The following ARHGEF3 variants were observed in gnomAD, a reference collection of about 807,000 sequenced individuals.
ARHGEF3 encodes 59.8 kDA protein.
Under a neutral mutation model 63.2 loss-of-function variants are expected in ARHGEF3, and 28 were observed. The ratio of observed to expected loss-of-function variants is 0.44; its 90% confidence interval spans 0.33 to 0.61. ARHGEF3 has a LOEUF of 0.61. Among genes scored for constraint, ARHGEF3 ranks in the 20% least tolerant of loss-of-function variants. ARHGEF3 has a pLI of 0.03. For synonymous variants in ARHGEF3, 266 were observed against 254.2 expected, an observed-to-expected ratio of 1.05 and a Z score of -0.44; for missense variants, 533 against 659.3, an observed-to-expected ratio of 0.81 and a Z score of 2.10.
chr3:56,933,860 G>T (rs2042477705), intron 3 of ARHGEF3, among the ~76,000 whole-genome samples: 2 of 152,200 alleles, frequency 1.3e-5, no homozygotes, highest in South Asian at 4.1e-4. Flanking sequence ...GAAAGGGTCT[G>T]GTGGGAGGTG....
intron 2 of ARHGEF3, among the ~76,000 whole-genome samples, chr3:56,965,777 T>A (rs1700469795): frequency 6.6e-6 from 1 of 151,902 alleles, no homozygotes; most frequent in Admixed American, 6.6e-5. Flanking sequence ...GCCTCCTGAG[T>A]AGCTGGGACT....
chr3:57,018,029 A>C (rs1453987913), intron 2 of ARHGEF3, among the ~76,000 whole-genome samples: 1 of 152,236 alleles, frequency 6.6e-6, no homozygotes, highest in Non-Finnish European at 1.5e-5. Context: ...CTGTAATCCC[A>C]ACACTTTGGG....
At chr3:56,889,196 A>T (rs2041030877) in intron 3 of ARHGEF3, among the ~76,000 whole-genome samples, 1 of 152,148 alleles carries the variant, frequency 6.6e-6, no homozygotes, top group Admixed American at 6.5e-5. Context: ...ATCACAAGGC[A>T]GACATCTGAA....
intron 4 of ARHGEF3, among the ~76,000 whole-genome samples, chr3:56,824,989 A>G (rs1361333931): frequency 6.6e-6 from 1 of 152,218 alleles, no homozygotes. Flanking sequence ...AAGCCAGTTA[A>G]TTATGCAGCA....
chr3:56,728,176 A>G lies in ARHGEF3; in HGVS notation c.*1094T>C, dbSNP rs901127244. ...AATGAAATTGGCCTCTGGAGAACAT[A>G]ATTACAATTCTGATTATAGCACAGA... On this transcript the variant is annotated 3_prime_UTR_variant, in exon 10 of 10. Coordinates refer to ENST00000296315, the MANE Select transcript of ARHGEF3 (RefSeq NM_019555.3). 1 of 152,612 alleles carries G rather than the reference A, an allele frequency of 6.6e-6. No homozygotes were observed. The highest frequency in any genetic ancestry group is 1.5e-5 in the Non-Finnish European group (1 of 68,042). The allele number at this position is 152,612 out of a possible 1,614,324, so 9.5% of individuals were successfully genotyped here. A position where few individuals can be genotyped will look rare whatever the true frequency, so the allele number is the denominator to read the frequency against.
At chr3:56,930,284 G>C (rs750696477) in intron 3 of ARHGEF3, among the ~76,000 whole-genome samples, 1 of 152,034 alleles carries the variant, frequency 6.6e-6, no homozygotes, top group Admixed American at 6.5e-5. Flanking sequence ...AAACGAACCC[G>C]GTGGCTGTAA....
rs139470654 is a variant in ARHGEF3, at chr3:57,046,636, C to T, written c.-27-11460G>A. On this transcript the variant is annotated intron_variant, in intron 1 of 12. Transcript: ENST00000338458. ...TCACCCTCTCTGGAGGAACACAACT[C>T]GGTTCTCCTACAGTGCTAGAGCAGG... is the stretch of plus-strand genomic sequence containing the variant. Among the ~76,000 whole-genome samples the T allele has an allele frequency of 1.1e-3, 162 of 152,300 alleles. 1 individual carries two copies. Among genetic ancestry groups the T allele is most frequent in the African/African-American group, 3.5e-3 (146 of 41,554 alleles).
intron 2 of ARHGEF3, among the ~76,000 whole-genome samples, chr3:57,034,466 A>G (rs940086244): frequency 2.6e-5 from 4 of 152,056 alleles, no homozygotes; most frequent in African/African-American, 9.7e-5. Flanking sequence ...ATGAATGTCC[A>G]TAGTTTGGAA....
chr3:57,076,526 G>A (rs147329456), intron 1 of ARHGEF3, among the ~76,000 whole-genome samples: 3 of 152,146 alleles, frequency 2.0e-5, no homozygotes, highest in Non-Finnish European at 2.9e-5. Flanking sequence ...TCCTCCAATG[G>A]TTCTCTGTCC....
intron 3 of ARHGEF3, among the ~76,000 whole-genome samples, chr3:56,917,966 C>T (rs548557722): frequency 1.4e-4 from 21 of 152,306 alleles, no homozygotes; most frequent in African/African-American, 5.1e-4. Flanking sequence ...GATCAAATGA[C>T]AGTGTCCACT....
rs540134471 is a variant in ARHGEF3, at chr3:56,982,599, G to A, written c.63-23710C>T. 2.6e-5 allele frequency among the ~76,000 whole-genome samples: 4 copies of A among 152,244 alleles called. No individual in the cohort carries two copies. The South Asian group carries it at 8.3e-4, about 32-fold the overall frequency. ...CTTACTGTTTCTTGAATCCCATAAG[G>A]GTGGAGATTGTTGTCTACTTTGTTC... On this transcript the variant is annotated intron_variant, in intron 2 of 12. Coordinates refer to the ARHGEF3 transcript ENST00000338458.
At chr3:57,030,099 C>T (rs1215008930) in intron 2 of ARHGEF3, among the ~76,000 whole-genome samples, 2 of 152,234 alleles carry the variant, frequency 1.3e-5, no homozygotes, top group Non-Finnish European at 1.5e-5. Flanking sequence ...CAGCCTAACC[C>T]TGCAGCATGA....
intron 4 of ARHGEF3, among the ~76,000 whole-genome samples, chr3:56,881,320 G>A (rs2040757660): frequency 6.6e-6 from 1 of 152,188 alleles, no homozygotes. Context: ...ACAGAGGAGA[G>A]CGAGCACGGC....
At chr3:56,976,284 C>G (rs543908893) in intron 2 of ARHGEF3, among the ~76,000 whole-genome samples, 20 of 152,304 alleles carry the variant, frequency 1.3e-4, no homozygotes, top group African/African-American at 4.8e-4. Flanking sequence ...CTCAAGTGAT[C>G]TGCCGGCCTC....
chr3:56,841,707 T>C (rs892379275), intron 4 of ARHGEF3, among the ~76,000 whole-genome samples: 1 of 152,188 alleles, frequency 6.6e-6, no homozygotes, highest in African/African-American at 2.4e-5. Context: ...ATGTAATCAC[T>C]GTGATTCCAT....
chr3:57,002,198 A>G (rs1422973993), intron 2 of ARHGEF3, among the ~76,000 whole-genome samples: 3 of 151,252 alleles, frequency 2.0e-5, no homozygotes, highest in Non-Finnish European at 4.4e-5. Context: ...GGCGTGAGCC[A>G]CCGGGCCCGG....
intron 2 of ARHGEF3, among the ~76,000 whole-genome samples, chr3:56,974,688 C>G (rs11919481): frequency 6.6e-6 from 1 of 152,134 alleles, no homozygotes; most frequent in Non-Finnish European, 1.5e-5. Flanking sequence ...CCACATCCAT[C>G]TGAATCATCG....
chr3:57,003,063 C>A (rs577931644), intron 2 of ARHGEF3, among the ~76,000 whole-genome samples: 48 of 151,626 alleles, frequency 3.2e-4, no homozygotes, highest in African/African-American at 1.1e-3. Flanking sequence ...AGCCACTGTG[C>A]CCAGGAAGTT....
chr3:57,007,228 G>A (rs1446421268), intron 2 of ARHGEF3: 2 of 1,289,258 alleles, frequency 1.6e-6, no homozygotes, highest in East Asian at 5.5e-5. Flanking sequence ...AAGGTGGGGG[G>A]GTCAATAACA....
Sources: gnomAD v4.1 joint callset for allele counts (sites outside exome capture counted in the v4.1 genomes callset) on GRCh38, gnomAD v4.1.1 for gene constraint, MANE v1.5 for transcripts, NCBI Gene and HGNC (gene_info 2026-07-23, HGNC 2026-07-21) for gene names.